CDHR2: variants seen among roughly 807,000 people sequenced by gnomAD.
CDHR2 encodes the protein cadherin related family member 2.
In CDHR2, 104 loss-of-function variants were observed where a neutral mutation model predicts 138.6. The ratio of observed to expected loss-of-function variants is 0.75; its 90% CI spans 0.64 to 0.88. The LOEUF (loss-of-function observed/expected upper bound fraction) is 0.88. CDHR2 is among the 40% of genes least tolerant of loss of function. CDHR2 has a pLI of 0.00. For missense variants in CDHR2, 1,624 were observed against 1,727.6 expected (o/e 0.94, Z 1.06); for synonymous variants, 755 against 742.8 (o/e 1.02, Z -0.27).
Position 176,575,755 on chromosome 5 carries a change from G to A in CDHR2, c.876G>A (p.Gly292=). Residue 292 remains glycine (G), a synonymous_variant, in exon 11 of 32, where the codon GGG becomes GGA. Coordinates refer to ENST00000261944, the MANE Select transcript of CDHR2 (RefSeq NM_017675.6). ...YSTRPGWFDI[G]ADGVIRVNGS... Reference sequence around the variant, plus strand: ...CGCGGCCCGGCTGGTTTGACATCGGGGCAGATGGGGTGATCAGGGTCAACG... The same window carrying A: ...CGCGGCCCGGCTGGTTTGACATCGGAGCAGATGGGGTGATCAGGGTCAACG... 1.9e-6 allele frequency: 3 copies of A among 1,569,296 alleles called. No homozygotes were observed. The highest frequency in any genetic ancestry group is 1.4e-5 in the African/African-American group (1 of 73,732).
chr5:176,557,680 ATT>A (rs1161503103), intron 1 of CDHR2, among the ~76,000 whole-genome samples: 1 of 98,086 alleles, frequency 1.0e-5, no homozygotes, highest in African/African-American at 3.2e-5. Context: ...TTATCTGTTG[ATT>A]TTTTTTTCTT....
chr5:176,568,806 C>G lies in CDHR2; in HGVS notation c.253C>G (p.Leu85Val). The change falls in exon 4 of 32, where the codon CTG becomes GTG. Residue 85 changes from leucine (L) to valine (V), a missense_variant. Coordinates refer to ENST00000261944, the MANE Select transcript of CDHR2 (RefSeq NM_017675.6). Reference protein sequence around the residue: ...KTGEVKLASALDYETLYTFKV... With the variant: ...KTGEVKLASAVDYETLYTFKV... ...TGGGGAAGTGAAGCTGGCCAGCGCT[C>G]TGGACTACGAGGTAAAGAGCATCAG... 6.2e-7 allele frequency: 1 copy of G among 1,614,178 alleles called. No homozygotes were observed. Among genetic ancestry groups the G allele is most frequent in the Non-Finnish European group, 8.5e-7 (1 of 1,180,022 alleles).
rs138783797 is a variant in CDHR2, at chr5:176,584,934, G to A, written c.2653G>A (p.Glu885Lys). ...CAACCAGAGCAAAGCCATCGACTAC[G>A]AGGCCTGTGACCTGGTCACGCTGGT... ...YINQSKAIDY[E>K]ACDLVTLVVR... The change falls in exon 19 of 32, where the codon GAG becomes AAG. Residue 885 changes from glutamate to lysine, a missense_variant. Glu to Lys is a moderately conservative substitution (Grantham distance 56). Around this residue, in one of 3 missense-constraint regions of CDHR2, gnomAD observed 556 missense variants for 565.7 expected, o/e 0.98. Coordinates refer to ENST00000261944, the MANE Select transcript of CDHR2 (RefSeq NM_017675.6). 69 of 1,595,070 alleles carry A rather than the reference G, an allele frequency of 4.3e-5. 1 individual carries two copies. In the Middle Eastern group the frequency reaches 2.3e-3, roughly 53 times the overall value.
chr5:176,547,323 C>T (rs1232273640), upstream of CDHR2: 1 of 152,156 alleles, frequency 6.6e-6, no homozygotes, highest in Non-Finnish European at 1.5e-5. Context: ...TCTCAATTCC[C>T]TTTTTTCTTT....
intron 31 of CDHR2, 108 bp from the exon 32 acceptor site, chr5:176,595,424 G>A (rs913800838): frequency 4.6e-6 from 6 of 1,309,336 alleles, no homozygotes; most frequent in Non-Finnish European, 6.1e-6. Flanking sequence ...TGGGACCCCT[G>A]CCAAGGAACC....
In CDHR2 at chr5:176,553,612, A is replaced by G. The variant is rs1370416682; in HGVS notation, c.-16+4198A>G. ...GGTAGGTTCCAGGTTACAGCCTCAG[A>G]GGGATGCCTGGGCTGGACGCATCCA... On this transcript the variant is annotated intron_variant, in intron 1 of 31. Coordinates refer to ENST00000261944, the MANE Select transcript of CDHR2 (RefSeq NM_017675.6). The surrounding 1 kb of genome is among the most constrained non-coding windows in gnomAD (Gnocchi z 4.3). 6.6e-6 allele frequency among the ~76,000 whole-genome samples: 1 copy of G among 152,130 alleles called. No homozygotes were observed. The highest frequency in any genetic ancestry group is 1.5e-5 in the Non-Finnish European group (1 of 68,000).
At position 176,575,733 on chromosome 5, in the gene CDHR2, G is replaced by C; in HGVS notation, c.854G>C (p.Arg285Pro). The stretch of plus-strand genomic sequence containing the variant: ...CCTTTCTCCTTGCCAGACTCCACGC[G>C]GCCCGGCTGGTTTGACATCGGGGCA... ...PVIYSISYST[R>P]PGWFDIGADG... The change falls in exon 11 of 32, where the codon CGG becomes CCG. Residue 285 changes from arginine (R) to proline (P), a missense_variant. Physicochemically the swap from Arg to Pro is moderately radical, Grantham distance 103 (BLOSUM62 -2). Coordinates refer to ENST00000261944, the MANE Select transcript of CDHR2 (RefSeq NM_017675.6). 6.3e-7 allele frequency: 1 copy of C among 1,575,588 alleles called. No individual in the cohort carries two copies. Among genetic ancestry groups the C allele is most frequent in the Non-Finnish European group, 8.6e-7 (1 of 1,160,152 alleles).
rs2113310775 is a variant in CDHR2, at chr5:176,581,591, T to A, written c.2058+9T>A. On this transcript the variant is annotated intron_variant, in intron 17 of 31. Coordinates refer to ENST00000261944, the MANE Select transcript of CDHR2 (RefSeq NM_017675.6). ...TCACCATCACTGTGGAGGTAAGGCC[T>A]CGCTTAGCCAGGATGGGCCTGGGGG... The A allele has an allele frequency of 6.8e-6, 11 of 1,611,522 alleles. No homozygotes were observed. Among genetic ancestry groups the A allele is most frequent in the African/African-American group, 5.3e-5 (4 of 75,022 alleles).
At chr5:176,557,408 G>A (rs1437641440) in intron 1 of CDHR2, among the ~76,000 whole-genome samples, 1 of 152,056 alleles carries the variant, frequency 6.6e-6, no homozygotes, top group Non-Finnish European at 1.5e-5. Context: ...TTTTTGCCAT[G>A]TAGGTCAGGC....
In CDHR2 at chr5:176,580,022, C is replaced by A. The variant is rs559525630; in HGVS notation, c.1819-1321C>A. 1.3e-4 allele frequency among the ~76,000 whole-genome samples: 20 copies of A among 152,230 alleles called. No homozygotes were observed. In the East Asian group the frequency reaches 3.3e-3, roughly 25 times the overall value. On this transcript the variant is annotated intron_variant, in intron 16 of 31. Transcript: ENST00000261944. ...GGGAACGGAACCTGCAAAGGCCTGG[C>A]GGCACAGAGGAACCCGCTGTGTTAT...
chr5:176,595,591 G>C lies in CDHR2; in HGVS notation c.3852G>C (p.Leu1284=), dbSNP rs1338791336. The stretch of plus-strand genomic sequence containing the variant: ...ATCCAGAGCCCCTGAGCGTGGTCCT[G>C]TTAGGACGGCAGGCAGGCGCAAGTG... ...EPDPEPLSVV[L]LGRQAGASGQ... The change falls in exon 32 of 32, where the codon CTG becomes CTC. Residue 1284 remains leucine (L), a synonymous_variant. Transcript: ENST00000261944. 5.0e-6 allele frequency: 8 copies of C among 1,613,148 alleles called. No individual in the cohort carries two copies. Among genetic ancestry groups the C allele is most frequent in the Non-Finnish European group, 5.9e-6 (7 of 1,179,468 alleles).
At chr5:176,584,292 G>T in intron 18 of CDHR2, 33 bp downstream of exon 18, 1 of 1,613,058 alleles carries the variant, frequency 6.2e-7, no homozygotes, top group Non-Finnish European at 8.5e-7. Context: ...GAGACACTGC[G>T]GCTGGGACCC....
At chr5:176,587,869 T>A (rs1758706084) in intron 21 of CDHR2, among the ~76,000 whole-genome samples, 1 of 152,240 alleles carries the variant, frequency 6.6e-6, no homozygotes, top group Non-Finnish European at 1.5e-5. Context: ...AGACAGTGAC[T>A]GTGTGACTTT....
At chr5:176,580,145 C>A (rs898862901) in intron 16 of CDHR2, among the ~76,000 whole-genome samples, 1 of 151,708 alleles carries the variant, frequency 6.6e-6, no homozygotes. Flanking sequence ...CACACACGCA[C>A]TCACACACAC....
rs1227099662 is a variant in CDHR2 at position 176,575,262 on chromosome 5, G to A, written c.622-18G>A. ...TAGGACCCACGGCGCTGGCTCACGG[G>A]TGGCCATCTCCCCGCAGGACTTGGG... On this transcript the variant is annotated intron_variant, in intron 8 of 31. Coordinates refer to ENST00000261944, the MANE Select transcript of CDHR2 (RefSeq NM_017675.6). 8 of 1,614,168 alleles carry A rather than the reference G, an allele frequency of 5.0e-6. No homozygotes were observed. Among genetic ancestry groups the A allele is most frequent in the Non-Finnish European group, 6.8e-6 (8 of 1,180,004 alleles).
At chr5:176,570,558 G>A (rs563707920) in intron 5 of CDHR2, among the ~76,000 whole-genome samples, 1 of 151,948 alleles carries the variant, frequency 6.6e-6, no homozygotes, top group South Asian at 2.1e-4. Context: ...TATTGCCCAG[G>A]CTGGTCTTGA....
chr5:176,572,390 AAAATAAAT>A (rs10527338), intron 6 of CDHR2, among the ~76,000 whole-genome samples: 2 of 148,612 alleles, frequency 1.3e-5, no homozygotes, highest in African/African-American at 2.5e-5. Flanking sequence ...CTCCATCTCA[AAAATAAAT>A]AAATAAATAA....
chr5:176,578,244 T>C, intron 15 of CDHR2, 121 bp from the exon 16 acceptor site: 2 of 1,229,854 alleles, frequency 1.6e-6, no homozygotes, highest in Middle Eastern at 1.9e-4. Flanking sequence ...CTTTTTGAAA[T>C]AATGAATATG....
At chr5:176,591,572 T>C (rs1758848422) in intron 30 of CDHR2, 88 bp downstream of exon 30, 1 of 994,496 alleles carries the variant, frequency 1.0e-6, no homozygotes. Flanking sequence ...GTGGTGATGA[T>C]GGTGATGACA....
Sources: allele counts gnomAD v4.1 joint callset (sites outside exome capture counted in the v4.1 genomes callset), GRCh38; gene constraint gnomAD v4.1.1; regional missense constraint gnomAD v4.1.1; non-coding constraint Gnocchi (gnomAD v3.1); transcripts MANE v1.5; gene names NCBI Gene and HGNC (gene_info 2026-07-23, HGNC 2026-07-21).